KIAA1549: variants seen among roughly 807,000 people sequenced by gnomAD.
KIAA1549 encodes the protein KIAA1549, also known as UPF0606 protein KIAA1549.
A neutral mutation model predicts 156.4 loss-of-function variants in KIAA1549; 70 were observed. The ratio of observed to expected loss-of-function variants is 0.45; its 90% CI spans 0.37 to 0.55. The LOEUF is 0.55. Ranked by LOEUF, KIAA1549 falls within the 20% of genes least tolerant of loss-of-function variation. The pLI, the probability that KIAA1549 is intolerant of heterozygous loss-of-function variation, is 0.00. For synonymous variants in KIAA1549, 1,103 were observed against 1,066.4 expected, an observed-to-expected ratio of 1.03 and a Z score of -0.67; for missense variants, 2,428 against 2,540.9, an observed-to-expected ratio of 0.96 and a Z score of 0.96.
chr7:138,882,557 G>A (rs1434506975), intron 10 of KIAA1549, among the ~76,000 whole-genome samples: 2 of 152,202 alleles, frequency 1.3e-5, no homozygotes, highest in Non-Finnish European at 2.9e-5. Context: ...CCACATAAAG[G>A]AGACAGGTAG....
At chr7:138,888,528 C>G (rs10256592) in intron 10 of KIAA1549, among the ~76,000 whole-genome samples, 1 of 152,218 alleles carries the variant, frequency 6.6e-6, no homozygotes, top group South Asian at 2.1e-4. Flanking sequence ...CGTTTGGATT[C>G]TACCATAATG....
chr7:138,907,635 G>C (rs539844044), intron 5 of KIAA1549, among the ~76,000 whole-genome samples: 2 of 152,260 alleles, frequency 1.3e-5, no homozygotes, highest in East Asian at 3.9e-4. Context: ...TAATTACAAG[G>C]CTGTGCCAAA....
chr7:138,895,175 G>A (rs1026809035), intron 9 of KIAA1549, among the ~76,000 whole-genome samples: 3 of 152,208 alleles, frequency 2.0e-5, no homozygotes, highest in African/African-American at 7.2e-5. Flanking sequence ...TCCTAGTGGG[G>A]GAAAGGAGAA....
chr7:138,955,010 C>T (rs1202244177), intron 1 of KIAA1549, among the ~76,000 whole-genome samples: 1 of 152,132 alleles, frequency 6.6e-6, no homozygotes, highest in African/African-American at 2.4e-5. Flanking sequence ...ATTAAGTCCC[C>T]GCACACACAG....
intron 16 of KIAA1549, among the ~76,000 whole-genome samples, chr7:138,859,667 A>G (rs934280545): frequency 3.3e-5 from 5 of 152,092 alleles, no homozygotes; most frequent in Admixed American, 3.3e-4. Context: ...CATGACTAGA[A>G]ACTCCAGATG....
Position 138,916,816 on chromosome 7 carries a change from G to C in KIAA1549, c.2810C>G (p.Thr937Arg). The C allele has an allele frequency of 6.2e-7, 1 of 1,613,994 alleles. No homozygotes were observed. Among genetic ancestry groups the C allele is most frequent in the Non-Finnish European group, 8.5e-7 (1 of 1,179,886 alleles). Residue 937 changes from threonine (T) to arginine (R), a missense_variant, in exon 2 of 20, where the codon ACA becomes AGA. Physicochemically the swap from Thr to Arg is moderately conservative, Grantham distance 71. Around this residue, in one of 5 missense-constraint regions of KIAA1549, gnomAD observed 762 missense variants for 901.6 expected, o/e 0.85. Coordinates refer to ENST00000422774, the MANE Select transcript of KIAA1549 (RefSeq NM_001164665.2). ...FTLEATVDTP[T>R]LATAKPPYVC... ...ATATGGCGGCTTGGCAGTAGCCAGT[G>C]TTGGTGTGTCGACTGTTGCTTCGAG...
chr7:138,904,709 AAAAT>A (rs898166384), intron 7 of KIAA1549, among the ~76,000 whole-genome samples: 2 of 151,946 alleles, frequency 1.3e-5, no homozygotes, highest in African/African-American at 4.8e-5. Flanking sequence ...TAGAAAAAAA[AAAAT>A]AAAACAAGAG....
intron 1 of KIAA1549, among the ~76,000 whole-genome samples, chr7:138,958,834 T>G (rs528558734): frequency 1.3e-5 from 2 of 152,296 alleles, no homozygotes; most frequent in South Asian, 4.1e-4. Flanking sequence ...TACGTACCAG[T>G]TACACAATTC....
chr7:138,934,406 T>TAAA (rs763597989), intron 1 of KIAA1549, among the ~76,000 whole-genome samples: 3 of 109,308 alleles, frequency 2.7e-5, no homozygotes, highest in African/African-American at 3.3e-5. Context: ...TATTTGCTAC[T>TAAA]AAAAAAAAAA....
At chr7:138,925,163 A>G (rs1384144644) in intron 1 of KIAA1549, among the ~76,000 whole-genome samples, 1 of 152,162 alleles carries the variant, frequency 6.6e-6, no homozygotes, top group Non-Finnish European at 1.5e-5. Flanking sequence ...CACCAATTCC[A>G]TGATGATACA....
intron 10 of KIAA1549, among the ~76,000 whole-genome samples, chr7:138,890,523 G>A (rs879945519): frequency 1.4e-4 from 22 of 152,342 alleles, no homozygotes; most frequent in Admixed American, 1.3e-3. Flanking sequence ...AGCCCCACAC[G>A]GGCACTCCCG....
intron 1 of KIAA1549, among the ~76,000 whole-genome samples, chr7:138,962,284 T>C (rs1247492927): frequency 6.6e-6 from 1 of 152,184 alleles, no homozygotes; most frequent in East Asian, 1.9e-4. Flanking sequence ...CTCAAGTAAT[T>C]GTATCTTTTC....
rs551993065 is a variant in KIAA1549 at position 138,967,824 on chromosome 7, C to A, written c.187+13259G>T. 6.6e-5 allele frequency among the ~76,000 whole-genome samples: 10 copies of A among 152,322 alleles called. No homozygotes were observed. In the East Asian group the frequency reaches 1.9e-3, roughly 29 times the overall value. ...GCAACAATCCTGACCACTATCCTAG[C>A]CACCAGTGGCTGACTTGTCCCCCAA... On this transcript the variant is annotated intron_variant, in intron 1 of 19. Coordinates refer to ENST00000422774, the MANE Select transcript of KIAA1549 (RefSeq NM_001164665.2).
chr7:138,980,167 C>T (rs1272690415), intron 1 of KIAA1549, among the ~76,000 whole-genome samples: 2 of 152,226 alleles, frequency 1.3e-5, no homozygotes, highest in African/African-American at 4.8e-5. Flanking sequence ...CCACCCCTAG[C>T]TGCTCCTTCC....
At position 138,918,884 on chromosome 7, in the gene KIAA1549, T is replaced by C. The variant is rs766287099; in HGVS notation, c.742A>G (p.Arg248Gly). ...TSEGIVPTPG[R>G]NLVLYPTDAY... is the part of the protein sequence containing the mutation. ...TCAGTAGGATAAAGCACCAAATTCC[T>C]GCCAGGAGTTGGAACGATGCCCTCA... is the stretch of plus-strand genomic sequence containing the variant. The change falls in exon 2 of 20, where the codon AGG (arginine) becomes GGG (glycine). Residue 248 changes from arginine (R) to glycine (G), a missense_variant. By Grantham distance (125) the Arg-to-Gly change is moderately radical. Transcript: ENST00000422774. This position sits in a 1 kb window ranked among gnomAD's most constrained non-coding sequence, Gnocchi z 4.2. 1.2e-5 allele frequency: 19 copies of C among 1,614,028 alleles called. No homozygotes were observed. The Admixed American group carries it at 2.7e-4, about 23-fold the overall frequency.
Position 138,919,260 on chromosome 7 carries a change from A to G in KIAA1549, c.366T>C (p.Phe122=), listed in dbSNP as rs1812466722. 1 of 1,614,032 alleles carries G rather than the reference A, an allele frequency of 6.2e-7. No homozygotes were observed. The highest frequency in any genetic ancestry group is 8.5e-7 in the Non-Finnish European group (1 of 1,179,896). ...PPSATTFDTA[F]FNQGKQTKST... is the part of the protein sequence containing the mutation. ...TTTTGGTCTGTTTTCCTTGGTTAAA[A>G]AAGGCTGTATCAAAAGTAGTGGCAG... is the stretch of plus-strand genomic sequence containing the variant. The change falls in exon 2 of 20, where the codon TTT becomes TTC. Residue 122 remains phenylalanine (F), a synonymous_variant. Coordinates refer to ENST00000422774, the MANE Select transcript of KIAA1549 (RefSeq NM_001164665.2).
At chr7:138,952,678 G>A (rs1011501632) in intron 1 of KIAA1549, among the ~76,000 whole-genome samples, 3 of 152,310 alleles carry the variant, frequency 2.0e-5, no homozygotes, top group Non-Finnish European at 4.4e-5. Flanking sequence ...GTCTAAAAAT[G>A]TATTTTTCAT....
intron 1 of KIAA1549, among the ~76,000 whole-genome samples, chr7:138,944,386 A>G (rs1412210103): frequency 1.3e-5 from 2 of 152,188 alleles, no homozygotes; most frequent in Non-Finnish European, 2.9e-5. Context: ...GGATGGCTAT[A>G]TTTTTTAAAG....
chr7:138,839,256 T>C (rs1481706487), intron 19 of KIAA1549, among the ~76,000 whole-genome samples: 1 of 152,144 alleles, frequency 6.6e-6, no homozygotes, highest in Non-Finnish European at 1.5e-5. Flanking sequence ...CACTGTAGCA[T>C]AACGATAAGG....
Sources: gnomAD v4.1 joint callset for allele counts (sites outside exome capture counted in the v4.1 genomes callset) on GRCh38, gnomAD v4.1.1 for gene constraint, gnomAD v4.1.1 regional missense constraint, Gnocchi (gnomAD v3.1) non-coding constraint, MANE v1.5 for transcripts, NCBI Gene and HGNC (gene_info 2026-07-23, HGNC 2026-07-21) for gene names.